LRRTM3: variants seen among roughly 807,000 people sequenced by gnomAD.
LRRTM3 encodes the protein leucine-rich repeat transmembrane neuronal protein 3.
LRRTM3 carries 24 observed loss-of-function variants against 44.7 expected under a neutral mutation model. That is an observed-to-expected ratio of 0.54 (90% confidence interval 0.39 to 0.76). The LOEUF (loss-of-function observed/expected upper bound fraction) is 0.76, where lower values mean the gene tolerates loss of function less well. LRRTM3 is among the 30% of genes least tolerant of loss of function. The pLI is 0.00. For missense variants in LRRTM3, 587 were observed against 702.2 expected (o/e 0.84, Z 1.85); for synonymous variants, 277 against 278.7 (o/e 0.99, Z 0.06).
At chr10:67,030,546 T>C (rs1853651040) in intron 2 of LRRTM3, among the ~76,000 whole-genome samples, 1 of 150,896 alleles carries the variant, frequency 6.6e-6, no homozygotes, top group Non-Finnish European at 1.5e-5. Context: ...GGAGTGATTT[T>C]ACATATTGTA....
chr10:66,972,102 T>C (rs1849754250), intron 2 of LRRTM3, among the ~76,000 whole-genome samples: 1 of 152,190 alleles, frequency 6.6e-6, no homozygotes. Context: ...TGTTTAGTGT[T>C]GCCATAGCAC....
intron 2 of LRRTM3, among the ~76,000 whole-genome samples, chr10:67,012,586 G>T (rs561606767): frequency 6.6e-6 from 1 of 152,094 alleles, no homozygotes; most frequent in East Asian, 1.9e-4. Flanking sequence ...AAACCTACTT[G>T]CTTGTCTTCA....
chr10:67,072,889 C>CCTTTTAGAAGCTTTTAGCCTAGT (rs970319031), intron 2 of LRRTM3, among the ~76,000 whole-genome samples: 2 of 152,274 alleles, frequency 1.3e-5, no homozygotes, highest in African/African-American at 4.8e-5. Flanking sequence ...GGAAGCTCTG[C>CCTTTTAGAAGCTTTTAGCCTAGT]CTTTGGCTTC....
chr10:67,071,672 C>A (rs1236790084), intron 2 of LRRTM3, among the ~76,000 whole-genome samples: 1 of 152,044 alleles, frequency 6.6e-6, no homozygotes. Flanking sequence ...TTAGAAAATT[C>A]TTGGCCTTAA....
At chr10:67,000,718 A>G (rs773164957) in intron 2 of LRRTM3, among the ~76,000 whole-genome samples, 101 of 152,330 alleles carry the variant, frequency 6.6e-4, no homozygotes, top group Middle Eastern at 6.8e-3. Flanking sequence ...TGTAAAGTCA[A>G]TTAGTATAAA....
chr10:66,956,602 A>G (rs1439098338), intron 2 of LRRTM3, among the ~76,000 whole-genome samples: 1 of 152,198 alleles, frequency 6.6e-6, no homozygotes, highest in Non-Finnish European at 1.5e-5. Context: ...CAAAAAGTCA[A>G]TAGTCAAAAG....
At chr10:67,007,392 C>A (rs1186140592) in intron 2 of LRRTM3, among the ~76,000 whole-genome samples, 2 of 148,864 alleles carry the variant, frequency 1.3e-5, no homozygotes, top group Middle Eastern at 3.5e-3. Context: ...TTATTGGCTT[C>A]AATCTGACTT....
intron 2 of LRRTM3, among the ~76,000 whole-genome samples, chr10:66,993,969 G>A (rs930909430): frequency 1.3e-5 from 2 of 152,098 alleles, no homozygotes; most frequent in African/African-American, 4.8e-5. Context: ...ATAGCACCAA[G>A]TACACTGCCA....
chr10:66,944,705 G>C (rs1267322985), intron 2 of LRRTM3, among the ~76,000 whole-genome samples: 1 of 152,080 alleles, frequency 6.6e-6, no homozygotes, highest in East Asian at 1.9e-4. Context: ...GACAGCAAGA[G>C]ACTTATAAAA....
At chr10:66,987,895 G>A (rs1265925708) in intron 2 of LRRTM3, among the ~76,000 whole-genome samples, 2 of 152,270 alleles carry the variant, frequency 1.3e-5, no homozygotes, top group Non-Finnish European at 2.9e-5. Flanking sequence ...TTTTTATGCA[G>A]AGGGTTTTAA....
chr10:67,068,529 C>G (rs1381232027), intron 2 of LRRTM3, among the ~76,000 whole-genome samples: 4 of 152,016 alleles, frequency 2.6e-5, no homozygotes, highest in African/African-American at 9.7e-5. Flanking sequence ...TGGTTAAAAT[C>G]ACACAAAGAA....
chr10:67,023,035 T>C (rs1280382018), intron 2 of LRRTM3, among the ~76,000 whole-genome samples: 4 of 152,206 alleles, frequency 2.6e-5, no homozygotes, highest in Non-Finnish European at 5.9e-5. Flanking sequence ...TGGTCAGTGA[T>C]TGGCATACTC....
At position 66,926,600 on chromosome 10, in the gene LRRTM3, A is replaced by AT; in HGVS notation, c.4+18dup. On this transcript the variant is annotated intron_variant, in intron 1 of 2. Transcript: ENST00000361320. ...ATACAAAGGATGGGTATGTTTTGTCATTTTTCTTCTTTCCTTCTTAAAAAC... is the reference window on the plus strand; with the variant it reads ...ATACAAAGGATGGGTATGTTTTGTCATTTTTTCTTCTTTCCTTCTTAAAAAC... The AT allele has an allele frequency of 1.2e-6, 2 of 1,613,790 alleles. No homozygotes were observed. Among genetic ancestry groups the AT allele is most frequent in the Admixed American group, 3.3e-5 (2 of 59,958 alleles).
At chr10:66,947,495 C>T (rs985161018) in intron 2 of LRRTM3, among the ~76,000 whole-genome samples, 1 of 152,100 alleles carries the variant, frequency 6.6e-6, no homozygotes, top group African/African-American at 2.4e-5. Flanking sequence ...ATTTAAGCAA[C>T]TGAGCCTGCC....
At chr10:67,047,912 G>A (rs553600223) in intron 2 of LRRTM3, among the ~76,000 whole-genome samples, 1 of 152,054 alleles carries the variant, frequency 6.6e-6, no homozygotes, top group Non-Finnish European at 1.5e-5. Context: ...AACACCTACT[G>A]GGTGTTAAAA....
chr10:67,098,768 G>A lies in LRRTM3; in HGVS notation c.*972G>A, dbSNP rs958062888. ...CATCTCATTATTTTCAGGCCAAGGTGGGAGTATAGTGCATAATAATTGTAC... is the reference window on the plus strand; with the variant it reads ...CATCTCATTATTTTCAGGCCAAGGTAGGAGTATAGTGCATAATAATTGTAC... On this transcript the variant is annotated 3_prime_UTR_variant, in exon 3 of 3. Coordinates refer to ENST00000361320, the MANE Select transcript of LRRTM3 (RefSeq NM_178011.5). 4 of 151,996 alleles carry A rather than the reference G, an allele frequency of 2.6e-5. No individual in the cohort carries two copies. Among genetic ancestry groups the A allele is most frequent in the African/African-American group, 9.7e-5 (4 of 41,378 alleles). 9.4% of individuals were successfully genotyped at this position (151,996 alleles called of 1,614,324 possible).
chr10:67,088,199 A>G (rs866917683), intron 2 of LRRTM3, among the ~76,000 whole-genome samples: 8 of 151,256 alleles, frequency 5.3e-5, no homozygotes, highest in African/African-American at 1.5e-4. Context: ...CTAGGCATGT[A>G]TTGGAATGGC....
chr10:67,054,408 C>T (rs1157362703), intron 2 of LRRTM3, among the ~76,000 whole-genome samples: 1 of 152,124 alleles, frequency 6.6e-6, no homozygotes, highest in Non-Finnish European at 1.5e-5. Context: ...ACAGCAGGAT[C>T]ACACCATTGA....
At chr10:67,019,697 T>A (rs1852875635) in intron 2 of LRRTM3, among the ~76,000 whole-genome samples, 1 of 152,316 alleles carries the variant, frequency 6.6e-6, no homozygotes, top group African/African-American at 2.4e-5. Context: ...CCCTATGTAA[T>A]GTCATCCCTT....
Sources: gnomAD v4.1 joint callset for allele counts (sites outside exome capture counted in the v4.1 genomes callset) on GRCh38, gnomAD v4.1.1 for gene constraint, MANE v1.5 for transcripts, NCBI Gene and HGNC (gene_info 2026-07-23, HGNC 2026-07-21) for gene names.